Variants in PDZD7 observed in about 807,000 individuals in gnomAD.
PDZD7 encodes PDZ domain-containing protein 7.
Under a neutral mutation model 84.7 loss-of-function variants are expected in PDZD7, and 72 were observed. That is an observed-to-expected ratio of 0.85 (90% CI 0.70 to 1.03). The LOEUF is 1.03. Among genes scored for constraint, PDZD7 ranks in the 50% least tolerant of loss-of-function variants. The pLI, the probability that PDZD7 is intolerant of heterozygous loss-of-function variation, is 0.00. For synonymous variants in PDZD7, 594 were observed against 580.7 expected (o/e 1.02, Z -0.33); for missense variants, 1,490 against 1,412.9 (o/e 1.05, Z -0.87).
At chr10:101,019,591 C>T (rs934484373) in intron 7 of PDZD7, among the ~76,000 whole-genome samples, 3 of 145,968 alleles carry the variant, frequency 2.1e-5, no homozygotes, top group Admixed American at 1.4e-4. Context: ...TCCTCCTCTT[C>T]TTCTTCTTCT....
chr10:101,025,783 G>A (rs1001694386), intron 2 of PDZD7, among the ~76,000 whole-genome samples: 10 of 151,890 alleles, frequency 6.6e-5, no homozygotes, highest in Admixed American at 1.3e-4. Context: ...TCCTGACCTC[G>A]TGATCTGCCC....
intron 6 of PDZD7, among the ~76,000 whole-genome samples, chr10:101,021,466 C>T (rs535112149): frequency 1.6e-4 from 25 of 152,286 alleles, no homozygotes; most frequent in Non-Finnish European, 2.8e-4. Context: ...GTCCAAACCG[C>T]AGCCACCACC....
rs1439350657 is a variant in PDZD7, at chr10:101,007,807, A to AT, written c.*659dup. ...TTTCTTGTACAAACCCAAAGAAAAAATTAAAAAAAATTTTTTTGTTTAAAA... is the reference window on the plus strand; with the variant it reads ...TTTCTTGTACAAACCCAAAGAAAAAATTTAAAAAAAATTTTTTTGTTTAAAA... On this transcript the variant is annotated 3_prime_UTR_variant, in exon 17 of 17. Coordinates refer to ENST00000619208, the MANE Select transcript of PDZD7 (RefSeq NM_001195263.2). 2.1e-5 allele frequency: 7 copies of AT among 335,974 alleles called. No homozygotes were observed. The highest frequency in any genetic ancestry group is 4.5e-5 in the African/African-American group (2 of 44,530). The allele number at this position is 335,974 out of a possible 1,614,324, so 20.8% of individuals were successfully genotyped here.
chr10:101,020,749 G>A (rs1590064041), intron 6 of PDZD7, 71 bp from the exon 7 acceptor site: 4 of 1,111,180 alleles, frequency 3.6e-6, no homozygotes, highest in East Asian at 4.7e-5. Context: ...TGGGGCGGGG[G>A]TGACAGGATG....
At chr10:101,018,388 A>C in intron 8 of PDZD7, 92 bp from the exon 9 acceptor site, 1 of 1,383,856 alleles carries the variant, frequency 7.2e-7, no homozygotes, top group South Asian at 1.2e-5. Context: ...GAGAGAAGGG[A>C]GAGGAGAGGG....
chr10:101,016,981 T>C (rs1347586435), intron 9 of PDZD7, among the ~76,000 whole-genome samples: 1 of 152,160 alleles, frequency 6.6e-6, no homozygotes, highest in Non-Finnish European at 1.5e-5. Flanking sequence ...GGTTGTTTTG[T>C]TGATCCGACA....
At chr10:101,026,883 G>A (rs559126535) in intron 2 of PDZD7, among the ~76,000 whole-genome samples, 1 of 152,132 alleles carries the variant, frequency 6.6e-6, no homozygotes, top group African/African-American at 2.4e-5. Flanking sequence ...CCTTAGCCAA[G>A]GAGCCTTTTA....
intron 2 of PDZD7, among the ~76,000 whole-genome samples, chr10:101,026,777 C>T (rs1289377930): frequency 1.3e-5 from 2 of 151,006 alleles, no homozygotes; most frequent in African/African-American, 2.4e-5. Context: ...AAGAAATCCC[C>T]GAGGGCAGCC....
In PDZD7 at chr10:101,022,103, G is replaced by T. The variant is rs1428647530; in HGVS notation, c.719+106C>A. The T allele has an allele frequency of 5.8e-6, 9 of 1,562,366 alleles. No homozygotes were observed. In the Admixed American group the frequency reaches 1.4e-4, roughly 25 times the overall value. On this transcript the variant is annotated intron_variant, in intron 5 of 16. Transcript: ENST00000619208. ...CTCCCAGGCCCTCACTGAGACAGGT[G>T]GTTGGCCAGGCCTCACTTGCTGACC... is the stretch of plus-strand genomic sequence containing the variant.
At chr10:101,010,914 C>G in intron 14 of PDZD7, 31 bp from the exon 15 acceptor site, 1 of 1,515,202 alleles carries the variant, frequency 6.6e-7, no homozygotes, top group South Asian at 1.2e-5. Context: ...CAGCTGCCCA[C>G]TCCTCCCCTC....
At position 101,012,229 on chromosome 10, in the gene PDZD7, C is replaced by T; in HGVS notation, c.1779G>A (p.Leu593=). The T allele has an allele frequency of 6.5e-7, 1 of 1,550,378 alleles. No homozygotes were observed. The highest frequency in any genetic ancestry group is 8.7e-7 in the Non-Finnish European group (1 of 1,146,986). ...CGAGGATGGCCAGCAGGGGCCTCAC[C>T]AGGTCCTCTATGCCTCCCTCGTGCA... is the stretch of plus-strand genomic sequence containing the variant. ...RYVHEGGIED[L]VRPLLAILDR... is the part of the protein sequence containing the mutation. The change falls in exon 12 of 17, where the codon CTG becomes CTA. Residue 593 remains leucine (L), a synonymous_variant. Transcript: ENST00000619208.
Position 101,008,408 on chromosome 10 carries a change from AG to A in PDZD7, c.*58del. The A allele has an allele frequency of 2.1e-6, 3 of 1,429,124 alleles. No individual in the cohort carries two copies. Among genetic ancestry groups the A allele is most frequent in the Non-Finnish European group, 2.8e-6 (3 of 1,083,272 alleles). 88.5% of individuals were successfully genotyped at this position (1,429,124 alleles called of 1,614,324 possible). A position where few individuals can be genotyped will look rare whatever the true frequency, so the allele number is the denominator to read the frequency against. ...AGAGTCCTGAAGAAGTTGGTAGGAG[AG>A]GTCCTGGGGATAACGGGATGCTGGA... On this transcript the variant is annotated 3_prime_UTR_variant, in exon 17 of 17. Coordinates refer to ENST00000619208, the MANE Select transcript of PDZD7 (RefSeq NM_001195263.2).
chr10:101,018,332 G>A (rs1190698909), intron 8 of PDZD7, 36 bp from the exon 9 acceptor site: 1 of 1,611,336 alleles, frequency 6.2e-7, no homozygotes, highest in Non-Finnish European at 8.5e-7. Flanking sequence ...GAGCTGGAGG[G>A]GTGGGCAGAA....
chr10:101,009,092 G>A (rs904820720), intron 16 of PDZD7, among the ~76,000 whole-genome samples, 158 bp downstream of exon 16: 1 of 152,060 alleles, frequency 6.6e-6, no homozygotes, highest in Non-Finnish European at 1.5e-5. Flanking sequence ...AGTTTTCCCT[G>A]GGCCTGCTCA....
chr10:101,025,587 G>A (rs992531390), intron 2 of PDZD7, among the ~76,000 whole-genome samples: 6 of 147,472 alleles, frequency 4.1e-5, no homozygotes, highest in Admixed American at 6.8e-5. Context: ...TCGCTCTGTC[G>A]CCCAGGCTGG....
chr10:101,030,038 G>A lies in PDZD7; in HGVS notation c.182C>T (p.Ser61Leu), dbSNP rs1404937734. ...LNGPPRGIRA[S>L]SPMGRVILIN... ...GAGGATGACGCGTCCCATGGGCGATGAGGCTCGGATTCCGCGGGGGGGCCC... is the reference window on the plus strand; with the variant it reads ...GAGGATGACGCGTCCCATGGGCGATAAGGCTCGGATTCCGCGGGGGGGCCC... The change falls in exon 2 of 17, where the codon TCA becomes TTA. Residue 61 changes from serine to leucine, a missense_variant. Physicochemically the swap from Ser to Leu is moderately radical, Grantham distance 145. Coordinates refer to ENST00000619208, the MANE Select transcript of PDZD7 (RefSeq NM_001195263.2). The A allele has an allele frequency of 6.8e-6, 11 of 1,610,518 alleles. No homozygotes were observed. The highest frequency in any genetic ancestry group is 9.3e-6 in the Non-Finnish European group (11 of 1,177,952).
chr10:101,016,336 C>G, intron 10 of PDZD7, 41 bp downstream of exon 10: 1 of 1,547,998 alleles, frequency 6.5e-7, no homozygotes, highest in Non-Finnish European at 8.7e-7. Flanking sequence ...ATCTGCCGCT[C>G]TACTGTAAAC....
At chr10:101,020,440 A>G (rs1363940747) in intron 7 of PDZD7, among the ~76,000 whole-genome samples, 178 bp downstream of exon 7, 2 of 152,062 alleles carry the variant, frequency 1.3e-5, no homozygotes, top group Non-Finnish European at 2.9e-5. Flanking sequence ...GTCTACCTAT[A>G]TGGCCAAGAC....
intron 2 of PDZD7, 135 bp downstream of exon 2, chr10:101,029,859 G>T: frequency 2.2e-6 from 2 of 890,590 alleles, no homozygotes; most frequent in Non-Finnish European, 3.5e-6. Flanking sequence ...GTTCCCAGGC[G>T]GCCTGCCACC....
Sources: gnomAD v4.1 joint callset for allele counts (sites outside exome capture counted in the v4.1 genomes callset) on GRCh38, gnomAD v4.1.1 for gene constraint, MANE v1.5 for transcripts, NCBI Gene and HGNC (gene_info 2026-07-23, HGNC 2026-07-21) for gene names.